The following DEDD2 variants were observed in gnomAD, a reference collection of about 807,000 sequenced individuals.
DEDD2 encodes DNA-binding death effector domain-containing protein 2.
DEDD2 carries 18 observed loss-of-function variants against 28.9 expected under a neutral mutation model. The ratio of observed to expected loss-of-function variants is 0.62; its 90% CI spans 0.43 to 0.92. DEDD2 has a LOEUF of 0.92. DEDD2 is among the 40% of genes least tolerant of loss of function. The probability of loss-of-function intolerance (pLI) is 0.00; values close to 1 mark genes in which losing one functional copy is unlikely to be tolerated. For missense variants in DEDD2, 411 were observed against 463.3 expected, an observed-to-expected ratio of 0.89 and a Z score of 1.04; for synonymous variants, 211 against 206.1, an observed-to-expected ratio of 1.02 and a Z score of -0.20.
chr19:42,216,609 C>A (rs758160784), intron 2 of DEDD2, 71 bp downstream of exon 2: 44 of 1,444,066 alleles, frequency 3.0e-5, no homozygotes, highest in Non-Finnish European at 3.7e-5. Flanking sequence ...CGTATCAGGG[C>A]ACCAGGGAGG....
chr19:42,199,838 G>A lies in DEDD2; in HGVS notation c.590-9C>T. The A allele has an allele frequency of 1.3e-6, 2 of 1,579,078 alleles. No individual in the cohort carries two copies. The highest frequency in any genetic ancestry group is 1.8e-5 in the Admixed American group (1 of 54,404). On this transcript the variant is annotated splice_polypyrimidine_tract_variant and intron_variant, in intron 4 of 4. Coordinates refer to ENST00000596251, the MANE Select transcript of DEDD2 (RefSeq NM_133328.4). The surrounding 1 kb of genome is among the most constrained non-coding windows in gnomAD (Gnocchi z 7.4). Reference sequence around the variant, plus strand: ...AACCCGGAGCCGGATGTCTGCAGGGGAAGGAGGGATTTGTCAGGGAGGGGG... The same window carrying A: ...AACCCGGAGCCGGATGTCTGCAGGGAAAGGAGGGATTTGTCAGGGAGGGGG...
At chr19:42,214,061 CAT>C (rs2035869296) in intron 3 of DEDD2, among the ~76,000 whole-genome samples, 1 of 152,182 alleles carries the variant, frequency 6.6e-6, no homozygotes, top group Non-Finnish European at 1.5e-5. Context: ...TACGTATACA[CAT>C]AAAGCAAAAG....
In DEDD2 at chr19:42,209,405, T is replaced by C. The variant is rs575829037; in HGVS notation, c.589+295A>G. On this transcript the variant is annotated intron_variant, in intron 4 of 4. Coordinates refer to ENST00000596251, the MANE Select transcript of DEDD2 (RefSeq NM_133328.4). ...TGATATGCTGCCACTGCACAAGAAATGTCTGAATAAGTAAACCCCGGCAGA... is the reference window on the plus strand; with the variant it reads ...TGATATGCTGCCACTGCACAAGAAACGTCTGAATAAGTAAACCCCGGCAGA... Among the ~76,000 whole-genome samples the C allele has an allele frequency of 3.7e-4, 56 of 152,078 alleles. 1 individual carries two copies. Among genetic ancestry groups the C allele is most frequent in the Non-Finnish European group, 1.5e-5 (1 of 67,986 alleles).
At position 42,199,247 on chromosome 19, in the gene DEDD2, C is replaced by G. The variant is rs1375424670; in HGVS notation, c.*191G>C. 5 of 893,832 alleles carry G rather than the reference C, an allele frequency of 5.6e-6. No homozygotes were observed. The highest frequency in any genetic ancestry group is 8.1e-6 in the Non-Finnish European group (5 of 614,280). The allele number at this position is 893,832 out of a possible 1,614,324, so 55.4% of individuals were successfully genotyped here. A position where few individuals can be genotyped will look rare whatever the true frequency, so the allele number is the denominator to read the frequency against. On this transcript the variant is annotated 3_prime_UTR_variant, in exon 5 of 5. Coordinates refer to ENST00000596251, the MANE Select transcript of DEDD2 (RefSeq NM_133328.4). This position sits in a 1 kb window ranked among gnomAD's most constrained non-coding sequence, Gnocchi z 7.4. The stretch of plus-strand genomic sequence containing the variant: ...GGGTAGGAGGAGTCTGGGAAGGAAA[C>G]TCAGCTGGAAATGGTTTAGGCCTCA...
chr19:42,216,363 G>A (rs2035967588), intron 2 of DEDD2, among the ~76,000 whole-genome samples: 1 of 152,220 alleles, frequency 6.6e-6, no homozygotes, highest in Non-Finnish European at 1.5e-5. Flanking sequence ...TTACAGTGAA[G>A]ACAGTAACAG....
At position 42,199,293 on chromosome 19, in the gene DEDD2, G is replaced by A; in HGVS notation, c.*145C>T. On this transcript the variant is annotated 3_prime_UTR_variant, in exon 5 of 5. Transcript: ENST00000596251. This position sits in a 1 kb window ranked among gnomAD's most constrained non-coding sequence, Gnocchi z 7.4. The stretch of plus-strand genomic sequence containing the variant: ...CCTCAGAGCCCACATCCTGTGGGAG[G>A]GGCTGTCAAGGGGCCTGCTGTCCCG... The A allele has an allele frequency of 8.3e-7, 1 of 1,204,974 alleles. No individual in the cohort carries two copies. 74.6% of individuals were successfully genotyped at this position (1,204,974 alleles called of 1,614,324 possible).
rs1435614698 is a variant in DEDD2 at position 42,215,115 on chromosome 19, C to T, written c.448+18G>A. On this transcript the variant is annotated intron_variant, in intron 3 of 4. Coordinates refer to ENST00000596251, the MANE Select transcript of DEDD2 (RefSeq NM_133328.4). ...GAAAAGAGGGATGCTGCCATTACAC[C>T]CACCCAGCTGGGCTCACCTGTCTCC... is the stretch of plus-strand genomic sequence containing the variant. 6.2e-7 allele frequency: 1 copy of T among 1,613,250 alleles called. No individual in the cohort carries two copies. The highest frequency in any genetic ancestry group is 1.7e-5 in the Admixed American group (1 of 59,954).
intron 3 of DEDD2, among the ~76,000 whole-genome samples, chr19:42,211,456 G>A (rs2035761185): frequency 7.3e-6 from 1 of 137,880 alleles, no homozygotes. Flanking sequence ...AGGGAAGGAG[G>A]AAGAGAGGGA....
intron 3 of DEDD2, among the ~76,000 whole-genome samples, chr19:42,214,562 G>C (rs750319651): frequency 4.0e-5 from 6 of 151,624 alleles, no homozygotes; most frequent in Non-Finnish European, 7.4e-5. Flanking sequence ...AGGAGTTCAA[G>C]ACCAGCCTGG....
chr19:42,219,964 G>C (rs1288503033), upstream of DEDD2: 1 of 152,206 alleles, frequency 6.6e-6, no homozygotes, highest in Non-Finnish European at 1.5e-5. Flanking sequence ...CTCCAAGTGT[G>C]TCGGGCTCTA....
chr19:42,204,220 A>C (rs2035440927), intron 4 of DEDD2, among the ~76,000 whole-genome samples: 1 of 151,978 alleles, frequency 6.6e-6, no homozygotes, highest in Non-Finnish European at 1.5e-5. Context: ...CCAGAGATGA[A>C]CCTCACTCAA....
intron 3 of DEDD2, among the ~76,000 whole-genome samples, chr19:42,211,183 G>A (rs1568449231): frequency 6.6e-6 from 1 of 151,878 alleles, no homozygotes. Context: ...GACCAACCTG[G>A]AACCCGGGCA....
Position 42,215,253 on chromosome 19 carries a change from C to A in DEDD2, c.329-1G>T. The A allele has an allele frequency of 6.2e-7, 1 of 1,613,860 alleles. No homozygotes were observed. The highest frequency in any genetic ancestry group is 8.5e-7 in the Non-Finnish European group (1 of 1,179,828). ...CCATAGCTATAGCGTTCTGGAGACA[C>A]TGGAGGAAGAGAAGAACAGGAAGAA... is the stretch of plus-strand genomic sequence containing the variant. On this transcript the variant is annotated splice_acceptor_variant, in intron 2 of 4. Transcript: ENST00000596251. LOFTEE classifies it high-confidence loss of function.
intron 3 of DEDD2, among the ~76,000 whole-genome samples, chr19:42,211,332 C>T (rs939924346): frequency 6.7e-6 from 1 of 149,844 alleles, no homozygotes; most frequent in East Asian, 2.0e-4. Flanking sequence ...CTGCAGTAAG[C>T]AGTGTTTGCG....
chr19:42,206,998 C>T lies in DEDD2; in HGVS notation c.589+2702G>A, dbSNP rs548020586. 3.9e-5 allele frequency among the ~76,000 whole-genome samples: 6 copies of T among 152,292 alleles called. No homozygotes were observed. The East Asian group carries it at 9.7e-4, about 24-fold the overall frequency. ...CAAGACCTAGCCAAGCCCTGGTTAA[C>T]GACCTCCTCGCCTCGGGAAAGAGAC... On this transcript the variant is annotated intron_variant, in intron 4 of 4. Coordinates refer to ENST00000596251, the MANE Select transcript of DEDD2 (RefSeq NM_133328.4).
At position 42,209,373 on chromosome 19, in the gene DEDD2, T is replaced by C. The variant is rs192232780; in HGVS notation, c.589+327A>G. 4.4e-3 allele frequency among the ~76,000 whole-genome samples: 677 copies of C among 152,312 alleles called. 8 individuals are homozygous for C. Among genetic ancestry groups the C allele is most frequent in the African/African-American group, 0.016 (650 of 41,566 alleles). ...GCCTGATCCAGGATCGTTGTTTTTT[T>C]ACCCCGTGATATGCTGCCACTGCAC... On this transcript the variant is annotated intron_variant, in intron 4 of 4. Coordinates refer to ENST00000596251, the MANE Select transcript of DEDD2 (RefSeq NM_133328.4).
Position 42,215,251 on chromosome 19 carries a change from C to T in DEDD2, c.330G>A (p.Val110=). The T allele has an allele frequency of 6.2e-7, 1 of 1,613,802 alleles. No individual in the cohort carries two copies. The highest frequency in any genetic ancestry group is 1.1e-5 in the South Asian group (1 of 91,058). ...TGCCATAGCTATAGCGTTCTGGAGA[C>T]ACTGGAGGAAGAGAAGAACAGGAAG... The part of the protein sequence containing the change: ...PHLARKRRRP[V]SPERYSYGTS... Residue 110 remains valine (V), a splice_region_variant and synonymous_variant, in exon 3 of 5, where the codon GTG becomes GTA. Transcript: ENST00000596251.
intron 4 of DEDD2, among the ~76,000 whole-genome samples, chr19:42,206,853 C>A (rs565484755): frequency 1.3e-5 from 2 of 152,308 alleles, no homozygotes; most frequent in African/African-American, 4.8e-5. Flanking sequence ...TTCGGCCTCT[C>A]TAAAAAGTAA....
In DEDD2 at chr19:42,216,711, C is replaced by A; in HGVS notation, c.297G>T (p.Leu99=). ...LLRVLARHDL[L]PHLARKRRRP... Reference sequence around the variant, plus strand: ...GGCGCCGCTTGCGCGCCAGGTGCGGCAGCAGGTCGTGGCGGGCCAGCACGC... The same window carrying A: ...GGCGCCGCTTGCGCGCCAGGTGCGGAAGCAGGTCGTGGCGGGCCAGCACGC... The change falls in exon 2 of 5, where the codon CTG becomes CTT. Residue 99 remains leucine, a synonymous_variant. Coordinates refer to ENST00000596251, the MANE Select transcript of DEDD2 (RefSeq NM_133328.4). The A allele has an allele frequency of 6.3e-7, 1 of 1,591,556 alleles. No individual in the cohort carries two copies. Among genetic ancestry groups the A allele is most frequent in the Non-Finnish European group, 8.5e-7 (1 of 1,172,162 alleles).
Sources: allele counts gnomAD v4.1 joint callset (sites outside exome capture counted in the v4.1 genomes callset), GRCh38; gene constraint gnomAD v4.1.1; non-coding constraint Gnocchi (gnomAD v3.1); transcripts MANE v1.5; gene names NCBI Gene and HGNC (gene_info 2026-07-23, HGNC 2026-07-21).